Variants in C2orf72 observed in about 807,000 individuals in gnomAD.
The protein encoded by C2orf72 is chromosome 2 open reading frame 72, also known as uncharacterized protein C2orf72.
In C2orf72, 16 loss-of-function variants were observed where a neutral mutation model predicts 14.4. The observed-to-expected ratio is 1.11, with a 90% CI of 0.75 to 1.69. The LOEUF (loss-of-function observed/expected upper bound fraction) is 1.69. C2orf72 is among the 40% of genes most tolerant of loss of function. The pLI, the probability that C2orf72 is intolerant of heterozygous loss-of-function variation, is 0.00. For synonymous variants in C2orf72, 168 were observed against 176.8 expected (o/e 0.95, Z 0.40); for missense variants, 371 against 358.3 (o/e 1.04, Z -0.29).
rs919005126 is a variant in C2orf72, at chr2:231,038,327, C to G, written c.634+128C>G. On this transcript the variant is annotated intron_variant, in intron 1 of 2. Coordinates refer to ENST00000373640, the MANE Select transcript of C2orf72 (RefSeq NM_001144994.2). ...ACTGAGGCTCAGAGCAGGGAGGTGC[C>G]TAGAGCCAGGCCTCGCAGCTAGCGG... is the stretch of plus-strand genomic sequence containing the variant. The G allele has an allele frequency of 2.7e-5, 21 of 766,692 alleles. No homozygotes were observed. The South Asian group carries it at 1.2e-3, about 45-fold the overall frequency. The allele number at this position is 766,692 out of a possible 1,614,324, so 47.5% of individuals were successfully genotyped here. A position where few individuals can be genotyped will look rare whatever the true frequency, so the allele number is the denominator to read the frequency against.
In C2orf72 at chr2:231,049,705, T is replaced by C. The variant is rs1012950610; in HGVS notation, c.*2684T>C. ...AACCAAGAAGTACCTCGTTGATATCTTATAGAAAACAAAATGGATCTTCTT... is the reference window on the plus strand; with the variant it reads ...AACCAAGAAGTACCTCGTTGATATCCTATAGAAAACAAAATGGATCTTCTT... On this transcript the variant is annotated 3_prime_UTR_variant, in exon 3 of 3. Transcript: ENST00000373640. The C allele has an allele frequency of 1.3e-5, 2 of 150,444 alleles. No homozygotes were observed. The highest frequency in any genetic ancestry group is 3.8e-4 in the East Asian group (2 of 5,198). The allele number at this position is 150,444 out of a possible 1,614,324, so 9.3% of individuals were successfully genotyped here. A position where few individuals can be genotyped will look rare whatever the true frequency, so the allele number is the denominator to read the frequency against.
At chr2:231,042,950 G>A (rs1693363140) in intron 2 of C2orf72, among the ~76,000 whole-genome samples, 1 of 152,376 alleles carries the variant, frequency 6.6e-6, no homozygotes, top group Non-Finnish European at 1.5e-5. Context: ...GTTGCAGTGA[G>A]CCAAGGTTGT....
Position 231,047,391 on chromosome 2 carries a change from A to C in C2orf72, c.*370A>C. The C allele has an allele frequency of 2.7e-6, 1 of 364,986 alleles. No homozygotes were observed. Among genetic ancestry groups the C allele is most frequent in the South Asian group, 2.1e-5 (1 of 47,770 alleles). The allele number at this position is 364,986 out of a possible 1,614,324, so 22.6% of individuals were successfully genotyped here. ...ACATGCATGGGCACCCATCGTTGAG[A>C]GTGCAGCTGGGAAGAACTCTGAACC... On this transcript the variant is annotated 3_prime_UTR_variant, in exon 3 of 3. Transcript: ENST00000373640.
intron 2 of C2orf72, among the ~76,000 whole-genome samples, chr2:231,044,976 CAT>C (rs1559209990): frequency 7.6e-6 from 1 of 132,378 alleles, no homozygotes; most frequent in African/African-American, 2.8e-5. Flanking sequence ...CACACACACA[CAT>C]ATAAGTAGAG....
intron 1 of C2orf72, among the ~76,000 whole-genome samples, chr2:231,038,759 G>A (rs1434292026): frequency 6.6e-6 from 1 of 152,046 alleles, no homozygotes; most frequent in Non-Finnish European, 1.5e-5. Context: ...ATGGGTGCTC[G>A]GGACTTGACG....
intron 1 of C2orf72, among the ~76,000 whole-genome samples, chr2:231,040,188 C>T (rs922169024): frequency 2.6e-5 from 4 of 152,174 alleles, no homozygotes; most frequent in African/African-American, 9.7e-5. Context: ...TCCCTGCTCC[C>T]ACTTGCAAGT....
At chr2:231,041,622 C>G (rs945137446) in intron 2 of C2orf72, among the ~76,000 whole-genome samples, 3 of 151,980 alleles carry the variant, frequency 2.0e-5, no homozygotes, top group African/African-American at 7.3e-5. Context: ...CCAGGAGTCT[C>G]CACCTAATGA....
chr2:231,040,577 A>C (rs1693328159), intron 1 of C2orf72, among the ~76,000 whole-genome samples: 1 of 152,268 alleles, frequency 6.6e-6, no homozygotes. Context: ...TCTTCACACC[A>C]AATGGATTCA....
chr2:231,037,876 C>G lies in C2orf72; in HGVS notation c.311C>G (p.Ser104Trp), dbSNP rs931370334. Reference protein sequence around the residue: ...AAAAAARAIRSPLVFVLCRAS... With the variant: ...AAAAAARAIRWPLVFVLCRAS... ...GCGGCGGCGGCGCGCGCCATCCGCT[C>G]GCCGCTGGTCTTCGTGCTGTGCCGC... The change falls in exon 1 of 3, where the codon TCG becomes TGG. Residue 104 changes from serine to tryptophan, a missense_variant. Ser to Trp is a radical substitution (Grantham distance 177, BLOSUM62 -3). Transcript: ENST00000373640. The G allele has an allele frequency of 7.1e-6, 7 of 980,484 alleles. No individual in the cohort carries two copies. The East Asian group carries it at 3.5e-4, about 49-fold the overall frequency. 60.7% of individuals were successfully genotyped at this position (980,484 alleles called of 1,614,324 possible).
At chr2:231,046,020 GC>G (rs1208814636) in intron 2 of C2orf72, among the ~76,000 whole-genome samples, 2 of 152,086 alleles carry the variant, frequency 1.3e-5, no homozygotes, top group Non-Finnish European at 2.9e-5. Context: ...ACATGCAGTG[GC>G]AAGAAATCAT....
Position 231,038,042 on chromosome 2 carries a change from GC to G in C2orf72, c.478del (p.Leu160CysfsTer66). The G allele has an allele frequency of 7.3e-6, 8 of 1,098,614 alleles. No homozygotes were observed. The highest frequency in any genetic ancestry group is 7.7e-6 in the Non-Finnish European group (7 of 904,436). The allele number at this position is 1,098,614 out of a possible 1,614,324, so 68.1% of individuals were successfully genotyped here. A position where few individuals can be genotyped will look rare whatever the true frequency, so the allele number is the denominator to read the frequency against. On this transcript the variant is annotated frameshift_variant, in exon 1 of 3. Transcript: ENST00000373640. LOFTEE classifies it high-confidence loss of function. ...GGCCAGAGGACGCGGTGGCGCCGGG[GC>G]TGCGGCTGCTGGAGGCGCTGTTGCG... ...AGPEDAVAPG[L>X]RLLEALLRAV...
In C2orf72 at chr2:231,049,282, G is replaced by C. The variant is rs983796568; in HGVS notation, c.*2261G>C. ...TTCAGTATTCCTGTGAATGGTTCAA[G>C]AGAGAAAGTCTTCATTTACTAAGAT... On this transcript the variant is annotated 3_prime_UTR_variant, in exon 3 of 3. Transcript: ENST00000373640. 1 of 152,214 alleles carries C rather than the reference G, an allele frequency of 6.6e-6. No individual in the cohort carries two copies. The highest frequency in any genetic ancestry group is 1.5e-5 in the Non-Finnish European group (1 of 68,048). 9.4% of individuals were successfully genotyped at this position (152,214 alleles called of 1,614,324 possible). A position where few individuals can be genotyped will look rare whatever the true frequency, so the allele number is the denominator to read the frequency against.
At chr2:231,044,185 G>C (rs1693379850) in intron 2 of C2orf72, among the ~76,000 whole-genome samples, 1 of 152,230 alleles carries the variant, frequency 6.6e-6, no homozygotes. Context: ...GGGTGAGTCA[G>C]CGAGTGAGTG....
At chr2:231,046,829 C>G (rs956763767) in intron 2 of C2orf72, 53 bp from the exon 3 acceptor site, 5 of 1,498,050 alleles carry the variant, frequency 3.3e-6, no homozygotes, top group Admixed American at 4.7e-5. Context: ...TCCTAGATAA[C>G]TCACTCACAA....
Position 231,038,002 on chromosome 2 carries a change from T to G in C2orf72, c.437T>G (p.Leu146Arg), listed in dbSNP as rs991381122. The G allele has an allele frequency of 1.9e-6, 2 of 1,048,720 alleles. No individual in the cohort carries two copies. 65.0% of individuals were successfully genotyped at this position (1,048,720 alleles called of 1,614,324 possible). A position where few individuals can be genotyped will look rare whatever the true frequency, so the allele number is the denominator to read the frequency against. Residue 146 changes from leucine to arginine, a missense_variant, in exon 1 of 3, where the codon CTG (leucine) becomes CGG (arginine). Leu to Arg is a moderately radical substitution (Grantham distance 102). Coordinates refer to ENST00000373640, the MANE Select transcript of C2orf72 (RefSeq NM_001144994.2). ...RRAGAALVGVLVAEAGPEDAV... is the reference protein window; with the variant it reads ...RRAGAALVGVRVAEAGPEDAV... Reference sequence around the variant, plus strand: ...GCCGGGGCGGCGCTGGTCGGGGTGCTGGTGGCCGAGGCCGGGCCAGAGGAC... The same window carrying G: ...GCCGGGGCGGCGCTGGTCGGGGTGCGGGTGGCCGAGGCCGGGCCAGAGGAC...
rs575414325 is a variant in C2orf72 at position 231,041,471 on chromosome 2, A to C, written c.748+62A>C. 29 of 1,318,302 alleles carry C rather than the reference A, an allele frequency of 2.2e-5. No homozygotes were observed. In the South Asian group the frequency reaches 3.7e-4, roughly 17 times the overall value. The allele number at this position is 1,318,302 out of a possible 1,614,324, so 81.7% of individuals were successfully genotyped here. On this transcript the variant is annotated intron_variant, in intron 2 of 2. Coordinates refer to ENST00000373640, the MANE Select transcript of C2orf72 (RefSeq NM_001144994.2). ...GGTGCATGGAATTATGGGAGTGGTCACGTGAACTTGGGGACCTTAGGGACA... is the reference window on the plus strand; with the variant it reads ...GGTGCATGGAATTATGGGAGTGGTCCCGTGAACTTGGGGACCTTAGGGACA...
Position 231,041,278 on chromosome 2 carries a change from G to A in C2orf72, c.635-18G>A. On this transcript the variant is annotated intron_variant, in intron 1 of 2. Coordinates refer to ENST00000373640, the MANE Select transcript of C2orf72 (RefSeq NM_001144994.2). ...GGAACCATGTGACCCTCTGACTCAG[G>A]TTTTGTGTTCTTCCTAGTGGAAGGA... is the stretch of plus-strand genomic sequence containing the variant. 1 of 1,537,358 alleles carries A rather than the reference G, an allele frequency of 6.5e-7. No homozygotes were observed.
At chr2:231,039,285 G>A (rs555417561) in intron 1 of C2orf72, among the ~76,000 whole-genome samples, 16 of 143,546 alleles carry the variant, frequency 1.1e-4, no homozygotes, top group African/African-American at 3.9e-4. Flanking sequence ...TAACAAACCC[G>A]CACGTTGTGC....
intron 2 of C2orf72, 141 bp from the exon 3 acceptor site, chr2:231,046,741 C>G: frequency 1.2e-6 from 1 of 803,384 alleles, no homozygotes; most frequent in Non-Finnish European, 1.9e-6. Context: ...AGGGTGTGTA[C>G]ATCGTTAAGG....
Sources: gnomAD v4.1 joint callset for allele counts (sites outside exome capture counted in the v4.1 genomes callset) on GRCh38, gnomAD v4.1.1 for gene constraint, MANE v1.5 for transcripts, NCBI Gene and HGNC (gene_info 2026-07-23, HGNC 2026-07-21) for gene names.